The following MRPL1 variants were observed in gnomAD, a reference collection of about 807,000 sequenced individuals.
MRPL1 encodes mitochondrial ribosomal protein L1.
In MRPL1, 28 loss-of-function variants were observed where a neutral mutation model predicts 38.0. That is an observed-to-expected ratio of 0.74 (90% confidence interval 0.55 to 1.01). The LOEUF (loss-of-function observed/expected upper bound fraction) is 1.01. MRPL1 is among the 50% of genes least tolerant of loss of function. The pLI, the probability that MRPL1 is intolerant of heterozygous loss-of-function variation, is 0.00. For missense variants in MRPL1, 358 were observed against 389.8 expected (o/e 0.92, Z 0.69); for synonymous variants, 123 against 126.7 (o/e 0.97, Z 0.20).
rs938335221 is a variant in MRPL1, at chr4:77,952,475, GTT to G, written c.860-10_860-9del. On this transcript the variant is annotated splice_polypyrimidine_tract_variant and intron_variant, in intron 8 of 8. Transcript: ENST00000315567. ...GATATAAAAATCAAAGTTGATTCTC[GTT>G]TTTGTTTCCAGGTCCCTTTGTGGTA... 2.5e-6 allele frequency: 4 copies of G among 1,579,246 alleles called. No homozygotes were observed. The African/African-American group carries it at 5.4e-5, about 21-fold the overall frequency.
At chr4:77,884,926 A>G (rs900723141) in intron 3 of MRPL1, among the ~76,000 whole-genome samples, 10 of 152,250 alleles carry the variant, frequency 6.6e-5, no homozygotes, top group Non-Finnish European at 1.2e-4. Context: ...ACATTTCATA[A>G]TATTTGAGAG....
chr4:77,945,445 T>C (rs1737237140), intron 7 of MRPL1, among the ~76,000 whole-genome samples: 4 of 151,962 alleles, frequency 2.6e-5, no homozygotes, highest in Admixed American at 6.6e-5. Context: ...TTATAGTTAA[T>C]AGAAGCTGCC....
intron 2 of MRPL1, among the ~76,000 whole-genome samples, chr4:77,876,196 C>A: frequency 6.6e-6 from 1 of 152,170 alleles, no homozygotes. Flanking sequence ...TGGTCTCAGA[C>A]TGCTGACCTC....
Position 77,871,832 on chromosome 4 carries a change from C to T in MRPL1, c.120C>T (p.Asn40=). 2 of 1,598,272 alleles carry T rather than the reference C, an allele frequency of 1.3e-6. No individual in the cohort carries two copies. The highest frequency in any genetic ancestry group is 1.7e-6 in the Non-Finnish European group (2 of 1,174,544). Residue 40 remains asparagine (N), a synonymous_variant, in exon 2 of 9, where the codon AAC becomes AAT. Coordinates refer to ENST00000315567, the MANE Select transcript of MRPL1 (RefSeq NM_020236.4). ...GTTCTGTAAACATCCGAGTGCCCAA[C>T]AGACATTTTGCTGCTGCTACAAAGT... The part of the protein sequence containing the change: ...CSCSVNIRVP[N]RHFAAATKSA...
chr4:77,931,444 A>C lies in MRPL1; in HGVS notation c.778-18353A>C, dbSNP rs1736841533. ...GCACTGTAACTAGATGAACTGATGA[A>C]ATAACAGAGGATATTGAAGCACAAT... On this transcript the variant is annotated intron_variant, in intron 7 of 8. Transcript: ENST00000315567. Among the ~76,000 whole-genome samples, 3 of 152,242 alleles carry C rather than the reference A, an allele frequency of 2.0e-5. No homozygotes were observed. In the South Asian group the frequency reaches 6.2e-4, roughly 32 times the overall value.
chr4:77,903,100 T>C (rs1736071443), intron 6 of MRPL1, among the ~76,000 whole-genome samples: 1 of 152,154 alleles, frequency 6.6e-6, no homozygotes, highest in African/African-American at 2.4e-5. Flanking sequence ...AAAATACTGT[T>C]AACAAAATAT....
chr4:77,865,175 C>T (rs933908938), intron 1 of MRPL1, among the ~76,000 whole-genome samples: 1 of 152,048 alleles, frequency 6.6e-6, no homozygotes, highest in African/African-American at 2.4e-5. Flanking sequence ...CAGGCATGAG[C>T]CACCATGCCC....
chr4:77,871,194 C>T (rs1249002795), intron 1 of MRPL1, among the ~76,000 whole-genome samples: 1 of 151,644 alleles, frequency 6.6e-6, no homozygotes, highest in Non-Finnish European at 1.5e-5. Flanking sequence ...GTACTCCAGC[C>T]TGGGTGACAG....
chr4:77,936,264 T>C (rs888700724), intron 7 of MRPL1, among the ~76,000 whole-genome samples: 7 of 152,132 alleles, frequency 4.6e-5, no homozygotes, highest in African/African-American at 1.4e-4. Flanking sequence ...TTAAAATCCT[T>C]GCAAAGTATT....
At chr4:77,907,186 C>G (rs1208962272) in intron 6 of MRPL1, 1 of 981,842 alleles carries the variant, frequency 1.0e-6, no homozygotes, top group Non-Finnish European at 1.2e-6. Flanking sequence ...TCACATTTTT[C>G]AGTGCATGGA....
chr4:77,867,746 CTTTTTTTT>C (rs71214374), intron 1 of MRPL1, among the ~76,000 whole-genome samples: 40,312 of 91,918 alleles, frequency 0.44, 7,068 homozygotes, highest in Admixed American at 0.54. Flanking sequence ...ATAGTTATTT[CTTTTTTTT>C]TTTTTTTTTT....
intron 5 of MRPL1, among the ~76,000 whole-genome samples, chr4:77,891,669 T>A (rs1245860671): frequency 1.3e-5 from 2 of 152,246 alleles, no homozygotes; most frequent in Non-Finnish European, 2.9e-5. Context: ...ACACCACACC[T>A]GGCCTTTGGT....
At chr4:77,946,299 C>G (rs548542638) in intron 7 of MRPL1, among the ~76,000 whole-genome samples, 43 of 152,232 alleles carry the variant, frequency 2.8e-4, no homozygotes, top group Admixed American at 2.4e-3. Flanking sequence ...CCTCATGGCT[C>G]TCTTCCCTTG....
intron 7 of MRPL1, among the ~76,000 whole-genome samples, chr4:77,914,039 T>C (rs1207471903): frequency 1.3e-5 from 2 of 152,192 alleles, no homozygotes; most frequent in Non-Finnish European, 2.9e-5. Context: ...TTATTCTGAC[T>C]GGTGATTGTT....
chr4:77,933,148 G>C (rs1736885344), intron 7 of MRPL1, among the ~76,000 whole-genome samples: 3 of 152,076 alleles, frequency 2.0e-5, no homozygotes, highest in Admixed American at 2.0e-4. Context: ...GTCTTGCTAT[G>C]TTGCTCAGGC....
chr4:77,931,525 T>G (rs1282464482), intron 7 of MRPL1, among the ~76,000 whole-genome samples: 1 of 152,232 alleles, frequency 6.6e-6, no homozygotes, highest in Non-Finnish European at 1.5e-5. Flanking sequence ...ACAATTCTAC[T>G]GACGTTAGCA....
At chr4:77,933,165 C>T (rs948823555) in intron 7 of MRPL1, among the ~76,000 whole-genome samples, 15 of 152,226 alleles carry the variant, frequency 9.9e-5, no homozygotes, top group African/African-American at 3.1e-4. Flanking sequence ...AGGCTGGCCT[C>T]GAACTCCTGT....
At chr4:77,932,141 C>A (rs1736858978) in intron 7 of MRPL1, among the ~76,000 whole-genome samples, 1 of 152,202 alleles carries the variant, frequency 6.6e-6, no homozygotes, top group African/African-American at 2.4e-5. Context: ...ACTCAATCTG[C>A]CACTTCTGGG....
intron 6 of MRPL1, among the ~76,000 whole-genome samples, chr4:77,902,893 C>T (rs1185602749): frequency 1.3e-5 from 2 of 152,144 alleles, no homozygotes; most frequent in Admixed American, 1.3e-4. Flanking sequence ...TCCAGGCCCA[C>T]CTGATTCCCA....
Sources: allele counts gnomAD v4.1 joint callset (sites outside exome capture counted in the v4.1 genomes callset), GRCh38; gene constraint gnomAD v4.1.1; transcripts MANE v1.5; gene names NCBI Gene and HGNC (gene_info 2026-07-23, HGNC 2026-07-21).